EDARADD: variants seen among roughly 807,000 people sequenced by gnomAD.
EDARADD encodes the protein ectodysplasin-A receptor-associated adapter protein.
A neutral mutation model predicts 25.6 loss-of-function variants in EDARADD; 20 were observed. The ratio of observed to expected loss-of-function variants is 0.78; its 90% CI spans 0.55 to 1.14. EDARADD has a LOEUF of 1.14. Ranked by LOEUF, EDARADD falls within the 50% of genes most tolerant of loss-of-function variation. The pLI is 0.00. For synonymous variants in EDARADD, 86 were observed against 94.4 expected (o/e 0.91, Z 0.52); for missense variants, 225 against 270.1 (o/e 0.83, Z 1.17).
intron 3 of EDARADD, among the ~76,000 whole-genome samples, chr1:236,384,173 T>C (rs1011469034): frequency 1.3e-5 from 2 of 152,206 alleles, no homozygotes; most frequent in African/African-American, 4.8e-5. Flanking sequence ...AGTGTCCTTA[T>C]GCATGTCTCC....
Position 236,427,418 on chromosome 1 carries a change from A to T in EDARADD, c.187A>T (p.Asn63Tyr). The change falls in exon 4 of 6, where the codon AAC becomes TAC. Residue 63 changes from asparagine to tyrosine, a missense_variant. Transcript: ENST00000334232. ...KAEECDTITL[N>Y]CPRNSDMKNQ... Reference sequence around the variant, plus strand: ...TGAAGAATGTGATACAATTACTTTGAACTGCCCACGAAATTCAGATATGAA... The same window carrying T: ...TGAAGAATGTGATACAATTACTTTGTACTGCCCACGAAATTCAGATATGAA... The T allele has an allele frequency of 1.9e-6, 3 of 1,611,842 alleles. No individual in the cohort carries two copies. The highest frequency in any genetic ancestry group is 2.5e-6 in the Non-Finnish European group (3 of 1,179,218).
At chr1:236,432,110 C>T (rs947992786) in intron 4 of EDARADD, among the ~76,000 whole-genome samples, 7 of 152,072 alleles carry the variant, frequency 4.6e-5, no homozygotes, top group African/African-American at 1.4e-4. Context: ...ATTACTTTAA[C>T]GACATGCATA....
At chr1:236,401,233 G>T (rs1572130288) in intron 1 of EDARADD, among the ~76,000 whole-genome samples, 1 of 151,782 alleles carries the variant, frequency 6.6e-6, no homozygotes, top group African/African-American at 2.4e-5. Flanking sequence ...AATAACAAAT[G>T]AGAAAGAAAT....
At chr1:236,405,785 CTTTCTTTTCTTTT>C (rs774586651) in intron 1 of EDARADD, among the ~76,000 whole-genome samples, 6 of 54,432 alleles carry the variant, frequency 1.1e-4, no homozygotes, top group African/African-American at 3.1e-4. Context: ...TTCTTTCTTT[CTTTCTTTTCTTTT>C]TCTTTCTTTC....
chr1:236,353,186 C>T (rs1017582626), intron 3 of EDARADD, among the ~76,000 whole-genome samples: 6 of 152,122 alleles, frequency 3.9e-5, no homozygotes, highest in African/African-American at 1.4e-4. Context: ...CCTCTCATCC[C>T]CCACAGACCT....
At chr1:236,409,607 G>T (rs1353227902) in intron 2 of EDARADD, among the ~76,000 whole-genome samples, 2 of 151,878 alleles carry the variant, frequency 1.3e-5, no homozygotes, top group African/African-American at 4.8e-5. Context: ...TCTCACCCAG[G>T]CTGGAGTGCA....
intron 3 of EDARADD, among the ~76,000 whole-genome samples, chr1:236,369,121 A>G (rs1318076623): frequency 6.6e-6 from 1 of 152,190 alleles, no homozygotes; most frequent in African/African-American, 2.4e-5. Context: ...TAAGTCTTGA[A>G]GCAAGGTATT....
At chr1:236,440,159 A>G (rs1658363057) in intron 4 of EDARADD, among the ~76,000 whole-genome samples, 1 of 152,164 alleles carries the variant, frequency 6.6e-6, no homozygotes, top group South Asian at 2.1e-4. Context: ...TTAAAAATCA[A>G]TAGACTATAT....
chr1:236,368,689 C>T (rs369176077), intron 3 of EDARADD, among the ~76,000 whole-genome samples: 1 of 152,130 alleles, frequency 6.6e-6, no homozygotes, highest in Non-Finnish European at 1.5e-5. Flanking sequence ...ATCCATCCAC[C>T]TCGGCCTCCC....
At chr1:236,413,491 A>G (rs988659227) in intron 2 of EDARADD, among the ~76,000 whole-genome samples, 15 of 152,270 alleles carry the variant, frequency 9.9e-5, no homozygotes, top group Middle Eastern at 3.4e-3. Context: ...GTTCAGGCTG[A>G]AGGACAGGGC....
At chr1:236,412,028 G>A (rs1348755721) in intron 2 of EDARADD, among the ~76,000 whole-genome samples, 2 of 152,162 alleles carry the variant, frequency 1.3e-5, no homozygotes, top group Admixed American at 6.5e-5. Flanking sequence ...CAGTATTCCC[G>A]CTGGGTACAG....
At chr1:236,360,684 C>T (rs2102991294) in intron 3 of EDARADD, among the ~76,000 whole-genome samples, 1 of 151,856 alleles carries the variant, frequency 6.6e-6, no homozygotes, top group Admixed American at 6.6e-5. Flanking sequence ...CAGCTGGGAC[C>T]ACAGGTGTGA....
Position 236,368,395 on chromosome 1 carries a change from C to T in EDARADD, c.-6+17556C>T, listed in dbSNP as rs114168558. On this transcript the variant is annotated intron_variant, in intron 3 of 7. Transcript: ENST00000439430. ...ATAACCATTCACATTATTCTCTTGT[C>T]TTCATAATCTTTGTTCTCTCACCCC... Among the ~76,000 whole-genome samples the T allele has an allele frequency of 2.8e-3, 423 of 149,758 alleles. 2 individuals carry two copies. The highest frequency in any genetic ancestry group is 0.01 in the African/African-American group (410 of 40,740).
intron 3 of EDARADD, among the ~76,000 whole-genome samples, chr1:236,382,938 T>C (rs1034466054): frequency 3.9e-5 from 6 of 152,170 alleles, no homozygotes; most frequent in Non-Finnish European, 8.8e-5. Context: ...GGGGACATTC[T>C]ATAGATCTCT....
intron 5 of EDARADD, among the ~76,000 whole-genome samples, chr1:236,469,770 C>T (rs1401402848): frequency 6.6e-6 from 1 of 151,414 alleles, no homozygotes; most frequent in East Asian, 1.9e-4. Flanking sequence ...AGGTGCAGTT[C>T]TGGGTGATTT....
chr1:236,371,850 G>A (rs568257327), intron 3 of EDARADD, among the ~76,000 whole-genome samples: 5 of 149,748 alleles, frequency 3.3e-5, no homozygotes, highest in African/African-American at 1.2e-4. Context: ...GGGATTACAG[G>A]CATGAGCCAC....
At chr1:236,360,931 A>G (rs74150422) in intron 3 of EDARADD, among the ~76,000 whole-genome samples, 14,921 of 152,124 alleles carry the variant, frequency 0.098, 1,131 homozygotes, top group African/African-American at 0.21. Context: ...CAGAGTAGGA[A>G]GGCAGCCAAC....
intron 3 of EDARADD, among the ~76,000 whole-genome samples, chr1:236,380,830 C>T (rs938803362): frequency 6.6e-6 from 1 of 152,176 alleles, no homozygotes; most frequent in African/African-American, 2.4e-5. Context: ...CTCAAGTGAT[C>T]TTCTCGACTC....
At chr1:236,436,082 T>C (rs1658240988) in intron 4 of EDARADD, among the ~76,000 whole-genome samples, 1 of 151,934 alleles carries the variant, frequency 6.6e-6, no homozygotes, top group South Asian at 2.1e-4. Context: ...GGCAGGAGAA[T>C]TGCTTGAGAC....
Sources: gnomAD v4.1 joint callset for allele counts (sites outside exome capture counted in the v4.1 genomes callset) on GRCh38, gnomAD v4.1.1 for gene constraint, MANE v1.5 for transcripts, NCBI Gene and HGNC (gene_info 2026-07-23, HGNC 2026-07-21) for gene names.